N4BP3: variants seen among roughly 807,000 people sequenced by gnomAD.
N4BP3 encodes NEDD4-binding protein 3.
A neutral mutation model predicts 43.8 loss-of-function variants in N4BP3; 33 were observed. The observed-to-expected ratio is 0.75, with a 90% CI of 0.57 to 1.01. N4BP3 has a LOEUF of 1.01. Ranked by LOEUF, N4BP3 falls within the 50% of genes least tolerant of loss-of-function variation. The pLI, the probability that N4BP3 is intolerant of heterozygous loss-of-function variation, is 0.00. For missense variants in N4BP3, 756 were observed against 744.2 expected, an observed-to-expected ratio of 1.02 and a Z score of -0.18; for synonymous variants, 326 against 321.9, an observed-to-expected ratio of 1.01 and a Z score of -0.14.
chr5:178,116,753 G>C (rs1369765645), intron 1 of N4BP3, among the ~76,000 whole-genome samples: 1 of 152,162 alleles, frequency 6.6e-6, no homozygotes, highest in African/African-American at 2.4e-5. Context: ...GGGGAACCTG[G>C]GGGTCGGTTA....
In N4BP3 at chr5:178,124,015, A is replaced by G. The variant is rs1757992374; in HGVS notation, c.*2014A>G. On this transcript the variant is annotated 3_prime_UTR_variant, in exon 5 of 5. Coordinates refer to ENST00000274605, the MANE Select transcript of N4BP3 (RefSeq NM_015111.2). ...CCTTGGTACCCATTCCCATTTCACA[A>G]ACTCCTCCAAACCCCAAACCCCAAA... The G allele has an allele frequency of 6.6e-6, 1 of 152,580 alleles. No individual in the cohort carries two copies. Among genetic ancestry groups the G allele is most frequent in the South Asian group, 2.1e-4 (1 of 4,826 alleles). The allele number at this position is 152,580 out of a possible 1,614,324, so 9.5% of individuals were successfully genotyped here. A position where few individuals can be genotyped will look rare whatever the true frequency, so the allele number is the denominator to read the frequency against.
chr5:178,121,936 G>C lies in N4BP3; in HGVS notation c.1570G>C (p.Glu524Gln), dbSNP rs377505162. The C allele has an allele frequency of 2.6e-5, 42 of 1,612,202 alleles. No homozygotes were observed. The highest frequency in any genetic ancestry group is 3.3e-5 in the Non-Finnish European group (39 of 1,179,792). The change falls in exon 5 of 5, where the codon GAA becomes CAA. Residue 524 changes from glutamate to glutamine, a missense_variant. Coordinates refer to ENST00000274605, the MANE Select transcript of N4BP3 (RefSeq NM_015111.2). ...MYRRNQALEQELRALREPPTP... is the reference protein window; with the variant it reads ...MYRRNQALEQQLRALREPPTP... ...CCGCCGCAACCAGGCACTGGAGCAG[G>C]AACTGCGGGCACTGCGGGAGCCCCC...
chr5:178,117,213 C>T (rs1292579917), intron 1 of N4BP3, among the ~76,000 whole-genome samples: 1 of 152,210 alleles, frequency 6.6e-6, no homozygotes, highest in Non-Finnish European at 1.5e-5. Context: ...GAGAGCAGGT[C>T]TCTGCTGTCC....
chr5:178,115,316 CCT>C (rs751657951), intron 1 of N4BP3, among the ~76,000 whole-genome samples: 6 of 152,194 alleles, frequency 3.9e-5, no homozygotes, highest in Admixed American at 1.3e-4. Context: ...TCTCCCAGCC[CCT>C]CTCTGGGCCC....
In N4BP3 at chr5:178,120,227, G is replaced by C; in HGVS notation, c.380G>C (p.Gly127Ala). Residue 127 changes from glycine (G) to alanine (A), a missense_variant, in exon 3 of 5, where the codon GGC (glycine) becomes GCC (alanine). Transcript: ENST00000274605. ...VFKPTAGNGKGFLSMQSLASH... is the reference protein window; with the variant it reads ...VFKPTAGNGKAFLSMQSLASH... ...AAGCCTACGGCGGGCAACGGGAAAG[G>C]CTTCCTATCCATGCAAAGTCTGGCG... 2 of 1,599,700 alleles carry C rather than the reference G, an allele frequency of 1.3e-6. No homozygotes were observed. Among genetic ancestry groups the C allele is most frequent in the Non-Finnish European group, 1.7e-6 (2 of 1,171,294 alleles).
rs962537455 is a variant in N4BP3 at position 178,125,170 on chromosome 5, G to C, written c.*3169G>C. The C allele has an allele frequency of 2.6e-5, 4 of 152,480 alleles. No individual in the cohort carries two copies. The highest frequency in any genetic ancestry group is 2.1e-4 in the South Asian group (1 of 4,832). The allele number at this position is 152,480 out of a possible 1,614,324, so 9.4% of individuals were successfully genotyped here. A position where few individuals can be genotyped will look rare whatever the true frequency, so the allele number is the denominator to read the frequency against. ...CCAGGGGCAGCTGCCATTCGTTCCA[G>C]TGATGTATTTGGGGCCTTCTCAGGT... On this transcript the variant is annotated 3_prime_UTR_variant, in exon 5 of 5. Transcript: ENST00000274605.
intron 4 of N4BP3, 32 bp downstream of exon 4, chr5:178,121,384 C>G (rs377118670): frequency 6.2e-7 from 1 of 1,609,882 alleles, no homozygotes; most frequent in East Asian, 2.2e-5. Context: ...CGAGACTCTC[C>G]CATCTCCATT....
Position 178,121,772 on chromosome 5 carries a change from GGGCTGAGCTGCTGCA to G in N4BP3, c.1409_1423del (p.Ala470_Gln474del). On this transcript the variant is annotated inframe_deletion, in exon 5 of 5. Coordinates refer to ENST00000274605, the MANE Select transcript of N4BP3 (RefSeq NM_015111.2). ...GCCAGAGACAGTGCTGAGCAGCTGC[GGGCTGAGCTGCTGCA>G]GGAGCGACTTCGGGGCCAGGAGCAG... is the stretch of plus-strand genomic sequence containing the variant. The G allele has an allele frequency of 6.2e-7, 1 of 1,608,350 alleles. No individual in the cohort carries two copies. The highest frequency in any genetic ancestry group is 1.1e-5 in the South Asian group (1 of 91,018).
In N4BP3 at chr5:178,113,709, G is replaced by A. The variant is rs1757701328; in HGVS notation, c.-93G>A. 6.6e-6 allele frequency: 1 copy of A among 151,930 alleles called. No individual in the cohort carries two copies. Among genetic ancestry groups the A allele is most frequent in the East Asian group, 1.9e-4 (1 of 5,132 alleles). The allele number at this position is 151,930 out of a possible 1,614,324, so 9.4% of individuals were successfully genotyped here. Reference sequence around the variant, plus strand: ...GCCTTGCAGGAGGGTTCAAATCCGCGCGGGGGAGCTGCGACGCGCAAGGGC... The same window carrying A: ...GCCTTGCAGGAGGGTTCAAATCCGCACGGGGGAGCTGCGACGCGCAAGGGC... On this transcript the variant is annotated 5_prime_UTR_variant, in exon 1 of 5. Transcript: ENST00000274605.
At position 178,120,495 on chromosome 5, in the gene N4BP3, C is replaced by T. The variant is rs1457118056; in HGVS notation, c.648C>T (p.Asn216=). 2 of 1,612,986 alleles carry T rather than the reference C, an allele frequency of 1.2e-6. No homozygotes were observed. Among genetic ancestry groups the T allele is most frequent in the African/African-American group, 1.3e-5 (1 of 74,930 alleles). ...SPFSSSLGHL[N]HLGGSLDRAS... ...TCAGCTCCTCCCTTGGCCACCTTAA[C>T]CACCTCGGGGGCTCCCTGGACCGGG... Residue 216 remains asparagine, a synonymous_variant, in exon 3 of 5, where the codon AAC becomes AAT. Transcript: ENST00000274605.
intron 3 of N4BP3, 107 bp downstream of exon 3, chr5:178,120,806 A>T: frequency 7.2e-7 from 1 of 1,395,924 alleles, no homozygotes; most frequent in Non-Finnish European, 9.4e-7. Context: ...GACACAAGAG[A>T]GCAAGAAAGG....
At position 178,119,567 on chromosome 5, in the gene N4BP3, T is replaced by C; in HGVS notation, c.-17T>C. The C allele has an allele frequency of 6.6e-7, 1 of 1,522,618 alleles. No individual in the cohort carries two copies. Among genetic ancestry groups the C allele is most frequent in the Non-Finnish European group, 8.8e-7 (1 of 1,136,524 alleles). The allele number at this position is 1,522,618 out of a possible 1,614,324, so 94.3% of individuals were successfully genotyped here. ...CCCAATTCCCAGAAGCAGCTGCCTGTACCCTGTTGAAACTTCATGGCCACA... is the reference window on the plus strand; with the variant it reads ...CCCAATTCCCAGAAGCAGCTGCCTGCACCCTGTTGAAACTTCATGGCCACA... On this transcript the variant is annotated 5_prime_UTR_variant, in exon 2 of 5. Transcript: ENST00000274605.
At chr5:178,113,951 C>T (rs1757709244) in intron 1 of N4BP3, among the ~76,000 whole-genome samples, 180 bp downstream of exon 1, 1 of 152,210 alleles carries the variant, frequency 6.6e-6, no homozygotes, top group African/African-American at 2.4e-5. Flanking sequence ...CCAGGTGTCC[C>T]CTGCTCCCGG....
In N4BP3 at chr5:178,114,190, A is replaced by T. The variant is rs1295570784; in HGVS notation, c.-31+419A>T. 2.0e-5 allele frequency among the ~76,000 whole-genome samples: 3 copies of T among 152,098 alleles called. No individual in the cohort carries two copies. The East Asian group carries it at 5.8e-4, about 29-fold the overall frequency. The stretch of plus-strand genomic sequence containing the variant: ...GGCCTCAGGGAGGGGCCAGGAGGAG[A>T]CGCGCCTCCCACCCCGCCCCCCAGG... On this transcript the variant is annotated intron_variant, in intron 1 of 4. Coordinates refer to ENST00000274605, the MANE Select transcript of N4BP3 (RefSeq NM_015111.2).
At chr5:178,119,953 G>C (rs370582874) in intron 2 of N4BP3, 40 bp downstream of exon 2, 1 of 1,548,676 alleles carries the variant, frequency 6.5e-7, no homozygotes, top group Non-Finnish European at 8.7e-7. Flanking sequence ...TGTGGGGAGG[G>C]TGGGGTCTCC....
In N4BP3 at chr5:178,121,525, G is replaced by A; in HGVS notation, c.1159G>A (p.Ala387Thr). 1 of 1,613,920 alleles carries A rather than the reference G, an allele frequency of 6.2e-7. No homozygotes were observed. The highest frequency in any genetic ancestry group is 8.5e-7 in the Non-Finnish European group (1 of 1,180,030). ...CCTCTTGAAGCAGCAGCTGCGTGAA[G>A]CCCAGGCGGAACTGGCCCAGAAGCT... Reference protein sequence around the residue: ...ISLLKQQLREAQAELAQKLAE... With the variant: ...ISLLKQQLRETQAELAQKLAE... The change falls in exon 5 of 5, where the codon GCC becomes ACC. Residue 387 changes from alanine (A) to threonine (T), a missense_variant. Physicochemically the swap from Ala to Thr is moderately conservative, Grantham distance 58. Transcript: ENST00000274605.
chr5:178,115,341 AC>A (rs886146644), intron 1 of N4BP3, among the ~76,000 whole-genome samples: 6 of 144,856 alleles, frequency 4.1e-5, no homozygotes, highest in Admixed American at 1.4e-4. Flanking sequence ...CTTGCCTACT[AC>A]CCCCCCCTTT....
chr5:178,114,686 C>T (rs564289828), intron 1 of N4BP3, among the ~76,000 whole-genome samples: 110 of 152,358 alleles, frequency 7.2e-4, no homozygotes, highest in Admixed American at 1.4e-3. Flanking sequence ...GGCTTCTCTA[C>T]CGGCTGGCAG....
rs1757907746 is a variant in N4BP3, at chr5:178,121,082, CTCT to C, written c.853-13_853-11del. On this transcript the variant is annotated splice_polypyrimidine_tract_variant and intron_variant, in intron 3 of 4. Coordinates refer to ENST00000274605, the MANE Select transcript of N4BP3 (RefSeq NM_015111.2). The stretch of plus-strand genomic sequence containing the variant: ...GGGGGCAGGGCCACGGTGGATGCAT[CTCT>C]TCCCCTTGACAGGTGCTGGAGGAGC... The C allele has an allele frequency of 6.3e-7, 1 of 1,594,084 alleles. No homozygotes were observed. Among genetic ancestry groups the C allele is most frequent in the Admixed American group, 1.7e-5 (1 of 59,616 alleles).
Sources: allele counts gnomAD v4.1 joint callset (sites outside exome capture counted in the v4.1 genomes callset), GRCh38; gene constraint gnomAD v4.1.1; transcripts MANE v1.5; gene names NCBI Gene and HGNC (gene_info 2026-07-23, HGNC 2026-07-21).